TRPA1: variants seen among roughly 807,000 people sequenced by gnomAD.
TRPA1 encodes the protein ankyrin-like with transmembrane domains 1.
Under a neutral mutation model 131.3 loss-of-function variants are expected in TRPA1, and 129 were observed. The observed-to-expected ratio is 0.98, with a 90% CI of 0.85 to 1.14. TRPA1 has a LOEUF of 1.14. Among genes scored for constraint, TRPA1 ranks in the 50% most tolerant of loss-of-function variants. TRPA1 has a pLI of 0.00. For synonymous variants in TRPA1, 441 were observed against 451.7 expected (o/e 0.98, Z 0.30); for missense variants, 1,304 against 1,354.2 (o/e 0.96, Z 0.58).
upstream of TRPA1, among the ~76,000 whole-genome samples, chr8:72,076,074 T>A (rs568611801): frequency 6.6e-6 from 1 of 152,270 alleles, no homozygotes; most frequent in Admixed American, 6.5e-5. Context: ...ATAACGTTTT[T>A]AACAAAACTT....
intron 2 of TRPA1, among the ~76,000 whole-genome samples, chr8:72,069,583 T>A (rs763972345): frequency 1.1e-4 from 16 of 152,106 alleles, no homozygotes; most frequent in Non-Finnish European, 2.1e-4. Flanking sequence ...AAGCCTCCAA[T>A]AGCCTGCAAA....
At chr8:72,024,054 GAA>G (rs1811494571) in intron 25 of TRPA1, 143 bp from the exon 26 acceptor site, 1 of 632,774 alleles carries the variant, frequency 1.6e-6, no homozygotes, top group South Asian at 1.8e-5. Context: ...TCTGCTAGGA[GAA>G]AGAGACATGT....
chr8:72,085,080 G>T, the TRPA1 span, among the ~76,000 whole-genome samples: 1 of 151,040 alleles, frequency 6.6e-6, no homozygotes, highest in Non-Finnish European at 1.5e-5. Context: ...TATTGAAAAT[G>T]ATGTTTTAAA....
chr8:72,078,818 T>C (rs1222291974), upstream of TRPA1, among the ~76,000 whole-genome samples: 1 of 152,094 alleles, frequency 6.6e-6, no homozygotes, highest in Non-Finnish European at 1.5e-5. Flanking sequence ...TGTTTAGCTT[T>C]GTATGAAAAT....
chr8:72,068,697 C>A (rs923002495), intron 3 of TRPA1, among the ~76,000 whole-genome samples: 1 of 152,166 alleles, frequency 6.6e-6, no homozygotes, highest in East Asian at 1.9e-4. Context: ...TATTCAAATT[C>A]TTTTGGCACC....
At chr8:72,040,830 C>G (rs187143249) in intron 17 of TRPA1, among the ~76,000 whole-genome samples, 1 of 152,170 alleles carries the variant, frequency 6.6e-6, no homozygotes, top group East Asian at 1.9e-4. Flanking sequence ...CTACCACATA[C>G]TGAAAGCAAT....
At chr8:72,065,378 T>G in intron 4 of TRPA1, 73 bp downstream of exon 4, 1 of 1,279,870 alleles carries the variant, frequency 7.8e-7, no homozygotes, top group Non-Finnish European at 1.1e-6. Flanking sequence ...TAAGAGATTT[T>G]GTAAATAATA....
chr8:72,057,594 G>C, intron 9 of TRPA1, 123 bp downstream of exon 9: 1 of 797,090 alleles, frequency 1.3e-6, no homozygotes, highest in East Asian at 2.5e-5. Flanking sequence ...CACAACACCT[G>C]GCCCAGGGCC....
At chr8:72,081,951 C>G in the TRPA1 span, among the ~76,000 whole-genome samples, 1 of 151,842 alleles carries the variant, frequency 6.6e-6, no homozygotes, top group Non-Finnish European at 1.5e-5. Context: ...CTTTTAATTA[C>G]AATATTTACT....
At chr8:72,039,220 C>T (rs572665157) in intron 18 of TRPA1, among the ~76,000 whole-genome samples, 193 bp from the exon 19 acceptor site, 7 of 152,078 alleles carry the variant, frequency 4.6e-5, no homozygotes, top group East Asian at 1.9e-4. Context: ...AAGCAAATTA[C>T]GACTTAACAA....
chr8:72,077,524 T>C (rs558805518), upstream of TRPA1, among the ~76,000 whole-genome samples: 11 of 152,238 alleles, frequency 7.2e-5, no homozygotes, highest in South Asian at 2.3e-3. Flanking sequence ...TAGATATGAT[T>C]TTTTTCCTGC....
chr8:72,040,147 C>A (rs1231792090), intron 17 of TRPA1, among the ~76,000 whole-genome samples: 1 of 152,124 alleles, frequency 6.6e-6, no homozygotes, highest in African/African-American at 2.4e-5. Context: ...TCAGGCTTAT[C>A]TTTCCAGAAG....
At chr8:72,046,710 G>T in intron 16 of TRPA1, 102 bp from the exon 17 acceptor site, 2 of 647,976 alleles carry the variant, frequency 3.1e-6, no homozygotes, top group South Asian at 1.9e-5. Context: ...TTACAATTCT[G>T]CTGAAAATTA....
At position 72,038,038 on chromosome 8, in the gene TRPA1, A is replaced by T; in HGVS notation, c.2330T>A (p.Val777Glu). The T allele has an allele frequency of 1.3e-6, 2 of 1,598,746 alleles. No individual in the cohort carries two copies. Among genetic ancestry groups the T allele is most frequent in the Non-Finnish European group, 1.7e-6 (2 of 1,167,472 alleles). ...SYLIKTCMIL[V>E]FLSSIFGYCK... The stretch of plus-strand genomic sequence containing the variant: ...ATACCCAAATATACTTGATAAAAAC[A>T]CTAAAATCATACAAGTTTTTATTAG... Residue 777 changes from valine to glutamate, a missense_variant, in exon 20 of 27, where the codon GTG becomes GAG. Physicochemically the swap from Val to Glu is moderately radical, Grantham distance 121. Transcript: ENST00000262209.
rs763831689 is a variant in TRPA1, at chr8:72,061,685, T to A, written c.884A>T (p.Tyr295Phe). ...TEIVKLMISSYSGSVDIVNTT... is the reference protein window; with the variant it reads ...TEIVKLMISSFSGSVDIVNTT... The stretch of plus-strand genomic sequence containing the variant: ...GTTAACAATATCCACGCTACCAGAA[T>A]AGGACGATATCATCAGTTTAACAAT... Residue 295 changes from tyrosine to phenylalanine, a missense_variant, in exon 7 of 27, where the codon TAT (tyrosine) becomes TTT (phenylalanine). Coordinates refer to ENST00000262209, the MANE Select transcript of TRPA1 (RefSeq NM_007332.3). 8.1e-6 allele frequency: 13 copies of A among 1,613,956 alleles called. No homozygotes were observed. Among genetic ancestry groups the A allele is most frequent in the Non-Finnish European group, 1.0e-5 (12 of 1,179,968 alleles).
intron 26 of TRPA1, 172 bp from the exon 27 acceptor site, chr8:72,023,288 A>G (rs1181565119): frequency 2.7e-6 from 2 of 735,694 alleles, no homozygotes; most frequent in Non-Finnish European, 4.5e-6. Flanking sequence ...AGTTTAAATG[A>G]TTTTTCCCAA....
At chr8:72,041,907 A>G in intron 17 of TRPA1, among the ~76,000 whole-genome samples, 1 of 151,916 alleles carries the variant, frequency 6.6e-6, no homozygotes, top group Non-Finnish European at 1.5e-5. Flanking sequence ...AATAGAAAAA[A>G]ATCAATGAAA....
rs758986616 is a variant in TRPA1 at position 72,046,516 on chromosome 8, G to A, written c.2058C>T (p.Leu686=). 3.2e-6 allele frequency: 5 copies of A among 1,549,440 alleles called. No homozygotes were observed. Among genetic ancestry groups the A allele is most frequent in the Admixed American group, 3.4e-5 (2 of 57,984 alleles). ...QDVIYEPLTA[L]NAMVQNNRIE... is the part of the protein sequence containing the mutation. ...ATAATGAAAACATTGAACTTACGTT[G>A]AGGGCTGTAAGCGGTTCATATATAA... Residue 686 remains leucine (L), a synonymous_variant, in exon 17 of 27, where the codon CTC becomes CTT. Transcript: ENST00000262209.
chr8:72,023,142 A>G, intron 26 of TRPA1, 26 bp from the exon 27 acceptor site: 1 of 1,603,612 alleles, frequency 6.2e-7, no homozygotes, highest in African/African-American at 1.3e-5. Flanking sequence ...CATTTCATGA[A>G]TTTATTTTCA....
Sources: gnomAD v4.1 joint callset for allele counts (sites outside exome capture counted in the v4.1 genomes callset) on GRCh38, gnomAD v4.1.1 for gene constraint, MANE v1.5 for transcripts, NCBI Gene and HGNC (gene_info 2026-07-23, HGNC 2026-07-21) for gene names.